The following TSPAN12 variants were observed in gnomAD, a reference collection of about 807,000 sequenced individuals.
The protein encoded by TSPAN12 is tetraspanin-12.
In TSPAN12, 19 loss-of-function variants were observed where a neutral mutation model predicts 39.2. The ratio of observed to expected loss-of-function variants is 0.49; its 90% CI spans 0.34 to 0.71. The LOEUF (loss-of-function observed/expected upper bound fraction) is 0.71. TSPAN12 is among the 30% of genes least tolerant of loss of function. TSPAN12 has a pLI of 0.01. For synonymous variants in TSPAN12, 119 were observed against 124.8 expected (o/e 0.95, Z 0.31); for missense variants, 314 against 359.9 (o/e 0.87, Z 1.03).
At chr7:120,794,660 T>C (rs1426206036) in intron 7 of TSPAN12, among the ~76,000 whole-genome samples, 6 of 152,250 alleles carry the variant, frequency 3.9e-5, no homozygotes, top group African/African-American at 1.4e-4. Flanking sequence ...TATTTATTTC[T>C]AGCAATGGAA....
At chr7:120,811,771 G>A (rs1363402278) in intron 5 of TSPAN12, among the ~76,000 whole-genome samples, 2 of 152,080 alleles carry the variant, frequency 1.3e-5, no homozygotes, top group Non-Finnish European at 2.9e-5. Flanking sequence ...TGGAATTGCA[G>A]ACCAATATTC....
In TSPAN12 at chr7:120,840,742, C is replaced by T. The variant is rs539722420; in HGVS notation, c.67-633G>A. On this transcript the variant is annotated intron_variant, in intron 2 of 7. Coordinates refer to ENST00000222747, the MANE Select transcript of TSPAN12 (RefSeq NM_012338.4). ...AAACTGACAAGAATCTATCATTTCT[C>T]TTTATCCTACTTTTCCTGTACAAAC... 7.9e-5 allele frequency among the ~76,000 whole-genome samples: 12 copies of T among 152,312 alleles called. No homozygotes were observed. In the South Asian group the frequency reaches 2.3e-3, roughly 29 times the overall value.
chr7:120,852,863 G>A (rs1032603441), intron 2 of TSPAN12, among the ~76,000 whole-genome samples: 1 of 152,138 alleles, frequency 6.6e-6, no homozygotes, highest in Non-Finnish European at 1.5e-5. Flanking sequence ...AAAAGAGAGA[G>A]AGAGAGAGAG....
intron 7 of TSPAN12, among the ~76,000 whole-genome samples, chr7:120,804,090 T>C (rs566183054): frequency 2.7e-4 from 41 of 152,226 alleles, no homozygotes; most frequent in African/African-American, 9.9e-4. Flanking sequence ...AATTATACCA[T>C]AATGTTGTGG....
chr7:120,842,156 A>T (rs1001499655), intron 2 of TSPAN12, among the ~76,000 whole-genome samples: 3 of 152,236 alleles, frequency 2.0e-5, no homozygotes, highest in Non-Finnish European at 4.4e-5. Context: ...AGTCTGCGCT[A>T]ACTCAGCTGG....
At chr7:120,850,708 G>A (rs1161136579) in intron 2 of TSPAN12, among the ~76,000 whole-genome samples, 1 of 141,524 alleles carries the variant, frequency 7.1e-6, no homozygotes, top group South Asian at 2.2e-4. Flanking sequence ...TTTTTTTTTT[G>A]AAATAGAGTC....
chr7:120,856,189 G>T (rs1207909978), intron 2 of TSPAN12, among the ~76,000 whole-genome samples: 1 of 151,990 alleles, frequency 6.6e-6, no homozygotes, highest in Non-Finnish European at 1.5e-5. Flanking sequence ...AGACCGTATG[G>T]AATCCCCTAG....
Position 120,815,939 on chromosome 7 carries a change from G to T in TSPAN12, c.286-136C>A. 5.6e-6 allele frequency: 4 copies of T among 709,690 alleles called. No individual in the cohort carries two copies. In the South Asian group the frequency reaches 6.6e-5, roughly 12 times the overall value. 44.0% of individuals were successfully genotyped at this position (709,690 alleles called of 1,614,324 possible). A position where few individuals can be genotyped will look rare whatever the true frequency, so the allele number is the denominator to read the frequency against. ...TCATGAAGCCCCTCAGAAGCAGATG[G>T]GGAAATTATCAGCAAATTTAGAAAT... is the stretch of plus-strand genomic sequence containing the variant. On this transcript the variant is annotated intron_variant, in intron 4 of 7. Transcript: ENST00000222747.
intron 7 of TSPAN12, among the ~76,000 whole-genome samples, chr7:120,793,819 AC>A: frequency 6.6e-6 from 1 of 152,268 alleles, no homozygotes; most frequent in Non-Finnish European, 1.5e-5. Flanking sequence ...ATTGGAAAAC[AC>A]CATAAGAAAC....
intron 4 of TSPAN12, among the ~76,000 whole-genome samples, chr7:120,817,658 T>C (rs1312931802): frequency 1.3e-5 from 2 of 152,188 alleles, no homozygotes; most frequent in African/African-American, 2.4e-5. Flanking sequence ...TCCTGTGTCA[T>C]ACCTTGCCCA....
intron 3 of TSPAN12, among the ~76,000 whole-genome samples, chr7:120,839,120 G>GT (rs1392942280): frequency 1.3e-5 from 2 of 151,760 alleles, no homozygotes; most frequent in African/African-American, 2.4e-5. Flanking sequence ...TGCAGTGTTT[G>GT]TTTTTTTTAA....
chr7:120,852,896 T>C (rs1370143364), intron 2 of TSPAN12, among the ~76,000 whole-genome samples: 5 of 152,186 alleles, frequency 3.3e-5, no homozygotes, highest in Non-Finnish European at 7.3e-5. Context: ...AACTATTTTA[T>C]GGGTCTATTA....
chr7:120,834,736 G>A (rs1794446417), intron 4 of TSPAN12, among the ~76,000 whole-genome samples: 1 of 152,138 alleles, frequency 6.6e-6, no homozygotes, highest in Non-Finnish European at 1.5e-5. Context: ...TTGGATGAAT[G>A]TATTCTGCTT....
intron 4 of TSPAN12, among the ~76,000 whole-genome samples, chr7:120,825,619 A>G (rs1005872592): frequency 2.0e-5 from 3 of 152,222 alleles, no homozygotes; most frequent in Non-Finnish European, 2.9e-5. Context: ...TGTGCTAAGT[A>G]TCTTTATGGC....
intron 4 of TSPAN12, among the ~76,000 whole-genome samples, chr7:120,830,012 A>G (rs1163750822): frequency 6.6e-6 from 1 of 152,032 alleles, no homozygotes; most frequent in East Asian, 1.9e-4. Context: ...CTGACACAAC[A>G]TTTACTTTTG....
chr7:120,810,463 C>T lies in TSPAN12; in HGVS notation c.468G>A (p.Glu156=). ...CTACCTCAGAAATTGTAGCACTTAC[C>T]TCTCTCTGAAAAAAATTCCAAGCAT... ...LTHAWNFFQR[E]FKCCGVVYFT... Residue 156 remains glutamate (E), a splice_region_variant and synonymous_variant, in exon 6 of 8, where the codon GAG becomes GAA. Coordinates refer to ENST00000222747, the MANE Select transcript of TSPAN12 (RefSeq NM_012338.4). The T allele has an allele frequency of 6.3e-7, 1 of 1,593,250 alleles. No individual in the cohort carries two copies. The highest frequency in any genetic ancestry group is 8.6e-7 in the Non-Finnish European group (1 of 1,161,242).
At chr7:120,847,458 G>A (rs767499583) in intron 2 of TSPAN12, among the ~76,000 whole-genome samples, 11 of 152,182 alleles carry the variant, frequency 7.2e-5, no homozygotes, top group Non-Finnish European at 1.0e-4. Context: ...ATACTATCAC[G>A]GTCAATTTCA....
intron 5 of TSPAN12, chr7:120,814,286 A>G (rs1198532637): frequency 2.6e-5 from 12 of 456,140 alleles, no homozygotes; most frequent in Non-Finnish European, 5.3e-5. Flanking sequence ...TCTTCTGGAG[A>G]CTTACTACAC....
At position 120,788,606 on chromosome 7, in the gene TSPAN12, T is replaced by A; in HGVS notation, c.904A>T (p.Met302Leu). 1 of 1,614,160 alleles carries A rather than the reference T, an allele frequency of 6.2e-7. No individual in the cohort carries two copies. The highest frequency in any genetic ancestry group is 8.5e-7 in the Non-Finnish European group (1 of 1,179,980). The change falls in exon 8 of 8, where the codon ATG becomes TTG. Residue 302 changes from methionine to leucine, a missense_variant. Physicochemically the swap from Met to Leu is conservative, Grantham distance 15 (BLOSUM62 2). Coordinates refer to ENST00000222747, the MANE Select transcript of TSPAN12 (RefSeq NM_012338.4). Reference sequence around the variant, plus strand: ...GACATTTCTTTTTATAACTCCTCCATCTCAAAGTGTGTATTAAAGCTGTTT... The same window carrying A: ...GACATTTCTTTTTATAACTCCTCCAACTCAAAGTGTGTATTAAAGCTGTTT... Reference protein sequence around the residue: ...MANSFNTHFEMEEL With the variant: ...MANSFNTHFELEEL
Sources: allele counts gnomAD v4.1 joint callset (sites outside exome capture counted in the v4.1 genomes callset), GRCh38; gene constraint gnomAD v4.1.1; transcripts MANE v1.5; gene names NCBI Gene and HGNC (gene_info 2026-07-23, HGNC 2026-07-21).